The following SGCG variants were observed in gnomAD, a reference collection of about 807,000 sequenced individuals.
SGCG encodes sarcoglycan gamma, also known as gamma-sarcoglycan.
Under a neutral mutation model 29.3 loss-of-function variants are expected in SGCG, and 26 were observed. The observed-to-expected ratio is 0.89, with a 90% confidence interval of 0.65 to 1.23. The LOEUF (loss-of-function observed/expected upper bound fraction) is 1.23, where lower values mean the gene tolerates loss of function less well. Among genes scored for constraint, SGCG ranks in the 50% most tolerant of loss-of-function variants. The pLI is 0.00. For synonymous variants in SGCG, 145 were observed against 129.7 expected (o/e 1.12, Z -0.80); for missense variants, 353 against 356.0 (o/e 0.99, Z 0.07).
chr13:23,289,495 C>T (rs1461911510), intron 5 of SGCG, among the ~76,000 whole-genome samples: 1 of 152,164 alleles, frequency 6.6e-6, no homozygotes, highest in Non-Finnish European at 1.5e-5. Context: ...AAGAGGGCCT[C>T]AGTGATTTGG....
chr13:23,161,795 T>C, the SGCG span, among the ~76,000 whole-genome samples: 4 of 152,268 alleles, frequency 2.6e-5, no homozygotes, highest in Non-Finnish European at 5.9e-5. Flanking sequence ...ACAGCAGTTA[T>C]ATCTTCAAAT....
At chr13:23,212,293 T>G (rs551146641) in intron 2 of SGCG, among the ~76,000 whole-genome samples, 1 of 152,180 alleles carries the variant, frequency 6.6e-6, no homozygotes, top group Non-Finnish European at 1.5e-5. Flanking sequence ...TGATACTTTC[T>G]TGCTGAGGTT....
chr13:23,263,455 A>G (rs1213390654), intron 4 of SGCG, among the ~76,000 whole-genome samples: 1 of 152,108 alleles, frequency 6.6e-6, no homozygotes, highest in Non-Finnish European at 1.5e-5. Context: ...GAACAGACCA[A>G]TAACAAGCAA....
chr13:23,283,104 G>T (rs183624357), intron 5 of SGCG, among the ~76,000 whole-genome samples: 7 of 152,212 alleles, frequency 4.6e-5, no homozygotes, highest in Non-Finnish European at 1.0e-4. Flanking sequence ...TTGACTTGGG[G>T]TGGAGACTTC....
chr13:23,304,390 CTAATTT>C (rs1267667167), intron 6 of SGCG, among the ~76,000 whole-genome samples: 13 of 152,010 alleles, frequency 8.6e-5, no homozygotes, highest in Admixed American at 7.9e-4. Context: ...AGGTCTAATT[CTAATTT>C]TATCTTTTCC....
At chr13:23,307,173 T>A (rs12875168) in intron 6 of SGCG, among the ~76,000 whole-genome samples, 66,963 of 152,004 alleles carry the variant, frequency 0.44, 16,901 homozygotes, top group Non-Finnish European at 0.57. Context: ...CAAACTGAAC[T>A]TTTATAGTTC....
intron 3 of SGCG, among the ~76,000 whole-genome samples, chr13:23,238,895 G>T (rs960971500): frequency 2.0e-5 from 3 of 152,074 alleles, no homozygotes; most frequent in Admixed American, 2.0e-4. Flanking sequence ...AGAGAAAAAT[G>T]ACTAGAAAAA....
chr13:23,224,616 A>G (rs1414208351), intron 2 of SGCG, among the ~76,000 whole-genome samples: 2 of 151,484 alleles, frequency 1.3e-5, no homozygotes, highest in Non-Finnish European at 2.9e-5. Flanking sequence ...ATGCATCAGA[A>G]TGGAAATCTC....
At chr13:23,266,096 T>C (rs1019093919) in intron 4 of SGCG, among the ~76,000 whole-genome samples, 3 of 152,016 alleles carry the variant, frequency 2.0e-5, no homozygotes, top group African/African-American at 7.3e-5. Flanking sequence ...GACAACATGT[T>C]GAAACCCCAT....
chr13:23,316,596 G>A (rs1032010131), intron 6 of SGCG, among the ~76,000 whole-genome samples: 18 of 152,194 alleles, frequency 1.2e-4, no homozygotes, highest in African/African-American at 4.3e-4. Context: ...CGTCCAATAT[G>A]TGGTACTGTT....
intron 1 of SGCG, among the ~76,000 whole-genome samples, chr13:23,196,866 T>G (rs1040203516): frequency 6.6e-6 from 1 of 152,132 alleles, no homozygotes. Context: ...TAACGTGAGA[T>G]GAGATGTTTC....
At chr13:23,239,501 T>C (rs1040042251) in intron 3 of SGCG, among the ~76,000 whole-genome samples, 1 of 152,156 alleles carries the variant, frequency 6.6e-6, no homozygotes, top group Non-Finnish European at 1.5e-5. Context: ...AAAAAGAATA[T>C]GATGCTAGAA....
At chr13:23,317,954 T>G (rs545556789) in intron 6 of SGCG, among the ~76,000 whole-genome samples, 4 of 152,224 alleles carry the variant, frequency 2.6e-5, no homozygotes, top group African/African-American at 7.2e-5. Context: ...CTTAATTGGG[T>G]GGGCACCATC....
At chr13:23,179,436 C>T (rs1876659868), upstream of SGCG, among the ~76,000 whole-genome samples, 1 of 152,166 alleles carries the variant, frequency 6.6e-6, no homozygotes. Flanking sequence ...AACCAATTTA[C>T]GATTGATGAA....
the SGCG span, among the ~76,000 whole-genome samples, chr13:23,172,454 A>G: frequency 6.6e-6 from 1 of 152,172 alleles, no homozygotes; most frequent in Non-Finnish European, 1.5e-5. Context: ...ATAATTAGTA[A>G]TAACGATTTG....
At chr13:23,256,502 A>G (rs1335528486) in intron 4 of SGCG, among the ~76,000 whole-genome samples, 1 of 152,066 alleles carries the variant, frequency 6.6e-6, no homozygotes, top group Non-Finnish European at 1.5e-5. Flanking sequence ...TACATTAGGT[A>G]TCTCCCCTAA....
intron 2 of SGCG, among the ~76,000 whole-genome samples, chr13:23,225,780 T>TACATACAC (rs71185059): frequency 6.7e-6 from 1 of 148,546 alleles, no homozygotes; most frequent in Non-Finnish European, 1.5e-5. Flanking sequence ...GGACATGTCA[T>TACATACAC]ACACACACAC....
intron 3 of SGCG, among the ~76,000 whole-genome samples, chr13:23,248,475 C>T (rs1429078534): frequency 1.3e-5 from 2 of 151,960 alleles, no homozygotes; most frequent in Non-Finnish European, 2.9e-5. Flanking sequence ...TGGAGGCGGG[C>T]GGATCACGAG....
intron 4 of SGCG, among the ~76,000 whole-genome samples, chr13:23,264,503 C>T (rs1181856599): frequency 6.6e-6 from 1 of 152,022 alleles, no homozygotes; most frequent in Non-Finnish European, 1.5e-5. Flanking sequence ...CCATACTGAC[C>T]AAAGCAGTCT....
Sources: allele counts gnomAD v4.1 joint callset (sites outside exome capture counted in the v4.1 genomes callset), GRCh38; gene constraint gnomAD v4.1.1; transcripts MANE v1.5; gene names NCBI Gene and HGNC (gene_info 2026-07-23, HGNC 2026-07-21).